The following SYNPR variants were observed in gnomAD, a reference collection of about 807,000 sequenced individuals.
SYNPR encodes the protein synaptoporin.
In SYNPR, 23 loss-of-function variants were observed where a neutral mutation model predicts 32.9. The ratio of observed to expected loss-of-function variants is 0.70; its 90% confidence interval spans 0.50 to 0.99. The LOEUF (loss-of-function observed/expected upper bound fraction) is 0.99. SYNPR is among the 50% of genes least tolerant of loss of function. The pLI is 0.00. For synonymous variants in SYNPR, 146 were observed against 135.9 expected (o/e 1.07, Z -0.52); for missense variants, 318 against 349.3 (o/e 0.91, Z 0.71).
At chr3:63,399,397 C>T (rs2088260178) in intron 2 of SYNPR, among the ~76,000 whole-genome samples, 1 of 152,022 alleles carries the variant, frequency 6.6e-6, no homozygotes, top group Non-Finnish European at 1.5e-5. Context: ...CTGAATGTGG[C>T]CTTGGGAAAT....
chr3:63,556,233 C>A (rs1437245955), intron 3 of SYNPR, among the ~76,000 whole-genome samples: 2 of 152,260 alleles, frequency 1.3e-5, no homozygotes, highest in East Asian at 3.9e-4. Flanking sequence ...AGAGGAAGCA[C>A]TGAAGAATTT....
At chr3:63,407,675 C>T (rs890337674) in intron 2 of SYNPR, among the ~76,000 whole-genome samples, 1 of 151,976 alleles carries the variant, frequency 6.6e-6, no homozygotes, top group African/African-American at 2.4e-5. Context: ...AAAAAATATA[C>T]CACGTAGAAA....
chr3:63,462,568 G>A (rs1469251004), intron 2 of SYNPR, among the ~76,000 whole-genome samples: 2 of 152,008 alleles, frequency 1.3e-5, no homozygotes, highest in Non-Finnish European at 2.9e-5. Flanking sequence ...AATTTAGGTC[G>A]CTGAGTTATA....
intron 4 of SYNPR, among the ~76,000 whole-genome samples, chr3:63,606,014 G>A (rs1217426990): frequency 1.3e-5 from 2 of 152,164 alleles, no homozygotes; most frequent in Non-Finnish European, 2.9e-5. Flanking sequence ...TATTTACCAG[G>A]CATTGTGCTA....
At chr3:63,209,703 A>G in the SYNPR span, among the ~76,000 whole-genome samples, 5 of 152,312 alleles carry the variant, frequency 3.3e-5, no homozygotes, top group Non-Finnish European at 5.9e-5. Context: ...TAACCCTCAC[A>G]TATGGGTTCA....
chr3:63,453,317 G>A (rs1252761565), intron 2 of SYNPR, among the ~76,000 whole-genome samples: 1 of 152,104 alleles, frequency 6.6e-6, no homozygotes, highest in African/African-American at 2.4e-5. Flanking sequence ...GCCTGGGGAG[G>A]AAGATTCCAC....
At chr3:63,354,899 T>A (rs1389056003) in intron 2 of SYNPR, among the ~76,000 whole-genome samples, 1 of 152,192 alleles carries the variant, frequency 6.6e-6, no homozygotes, top group Non-Finnish European at 1.5e-5. Context: ...TAATTTGATC[T>A]TTGTAGCAAA....
In SYNPR at chr3:63,585,556, C is replaced by T. The variant is rs1210897829; in HGVS notation, c.409-23569C>T. Among the ~76,000 whole-genome samples, 6 of 151,812 alleles carry T rather than the reference C, an allele frequency of 4.0e-5. No individual in the cohort carries two copies. The East Asian group carries it at 1.2e-3, about 30-fold the overall frequency. ...ACTACACATTGCAGAGAAACAGACA[C>T]ATACACGTAAGCTTTATCCACAACT... On this transcript the variant is annotated intron_variant, in intron 4 of 5. Coordinates refer to ENST00000478300, the MANE Select transcript of SYNPR (RefSeq NM_001130003.2).
intron 2 of SYNPR, among the ~76,000 whole-genome samples, chr3:63,406,851 C>T (rs1039951998): frequency 6.6e-6 from 1 of 152,070 alleles, no homozygotes; most frequent in African/African-American, 2.4e-5. Context: ...GAAGTCATGA[C>T]CAGAACATAA....
At chr3:63,211,798 C>T in the SYNPR span, among the ~76,000 whole-genome samples, 57 of 139,702 alleles carry the variant, frequency 4.1e-4, 1 homozygote, top group Non-Finnish European at 5.3e-4. Context: ...CATGCTGGTG[C>T]GCTGCACCCA....
intron 3 of SYNPR, among the ~76,000 whole-genome samples, chr3:63,527,732 C>T (rs1434338215): frequency 3.3e-5 from 5 of 152,140 alleles, no homozygotes; most frequent in African/African-American, 4.8e-5. Context: ...GCTGTTTAAG[C>T]CCAGCAACCC....
At chr3:63,514,655 A>G (rs1487963781) in intron 3 of SYNPR, among the ~76,000 whole-genome samples, 1 of 152,162 alleles carries the variant, frequency 6.6e-6, no homozygotes, top group African/African-American at 2.4e-5. Flanking sequence ...GAATGAGGCC[A>G]TTTGGAGTAA....
At chr3:63,283,888 G>A (rs2086655882) in intron 2 of SYNPR, among the ~76,000 whole-genome samples, 1 of 136,702 alleles carries the variant, frequency 7.3e-6, no homozygotes, top group African/African-American at 2.8e-5. Flanking sequence ...CGCCAACTCA[G>A]CTCACTGCAA....
intron 4 of SYNPR, among the ~76,000 whole-genome samples, chr3:63,557,352 C>A (rs1201924516): frequency 6.6e-6 from 1 of 152,188 alleles, no homozygotes; most frequent in Non-Finnish European, 1.5e-5. Flanking sequence ...TGCCCAAACT[C>A]TATCTTCCCG....
chr3:63,430,361 TACACACAC>T (rs3083163), intron 2 of SYNPR, among the ~76,000 whole-genome samples: 16,944 of 148,316 alleles, frequency 0.11, 1,006 homozygotes, highest in Middle Eastern at 0.14. Context: ...ACACTGAGAA[TACACACAC>T]ACACACACAC....
At chr3:63,256,236 C>T (rs546723049) in intron 2 of SYNPR, among the ~76,000 whole-genome samples, 14 of 152,314 alleles carry the variant, frequency 9.2e-5, no homozygotes, top group African/African-American at 2.9e-4. Context: ...TCTCCCAGCA[C>T]GCAGCTGGAG....
At chr3:63,370,995 G>T (rs998904883) in intron 2 of SYNPR, among the ~76,000 whole-genome samples, 1 of 152,088 alleles carries the variant, frequency 6.6e-6, no homozygotes, top group African/African-American at 2.4e-5. Flanking sequence ...AAGAAACAGT[G>T]GTGAGTAAAC....
At chr3:63,233,083 T>C (rs1393067578) in intron 1 of SYNPR, among the ~76,000 whole-genome samples, 2 of 152,188 alleles carry the variant, frequency 1.3e-5, no homozygotes, top group Non-Finnish European at 2.9e-5. Flanking sequence ...ATTTTAATCA[T>C]CTCAAAATGT....
chr3:63,222,920 CA>C, the SYNPR span, among the ~76,000 whole-genome samples: 1 of 152,144 alleles, frequency 6.6e-6, no homozygotes, highest in East Asian at 1.9e-4. Flanking sequence ...GCATTTGTAA[CA>C]CCCCCCAAAT....
Sources: allele counts gnomAD v4.1 joint callset (sites outside exome capture counted in the v4.1 genomes callset), GRCh38; gene constraint gnomAD v4.1.1; transcripts MANE v1.5; gene names NCBI Gene and HGNC (gene_info 2026-07-23, HGNC 2026-07-21).